The following RSL1D1 variants were observed in gnomAD, a reference collection of about 807,000 sequenced individuals.
RSL1D1 encodes ribosomal L1 domain-containing protein 1.
A neutral mutation model predicts 44.6 loss-of-function variants in RSL1D1; 34 were observed. That is an observed-to-expected ratio of 0.76 (90% CI 0.58 to 1.02). RSL1D1 has a LOEUF of 1.02. Ranked by LOEUF, RSL1D1 falls within the 50% of genes least tolerant of loss-of-function variation. The pLI, the probability that RSL1D1 is intolerant of heterozygous loss-of-function variation, is 0.00. For missense variants in RSL1D1, 767 were observed against 568.1 expected (o/e 1.35, Z -3.56); for synonymous variants, 271 against 207.4 (o/e 1.31, Z -2.63).
chr16:11,840,293 C>T (rs1030113835), intron 7 of RSL1D1, among the ~76,000 whole-genome samples: 11 of 152,072 alleles, frequency 7.2e-5, no homozygotes, highest in African/African-American at 1.7e-4. Flanking sequence ...CAGCTGGGCG[C>T]GGTGGCTCAC....
At chr16:11,847,853 T>A in intron 2 of RSL1D1, 47 bp from the exon 3 acceptor site, 1 of 1,572,354 alleles carries the variant, frequency 6.4e-7, no homozygotes, top group Non-Finnish European at 8.7e-7. Flanking sequence ...ATTACACACA[T>A]TATGCATGTT....
intron 8 of RSL1D1, among the ~76,000 whole-genome samples, chr16:11,839,155 C>G (rs536852760): frequency 3.3e-5 from 5 of 152,180 alleles, no homozygotes; most frequent in African/African-American, 1.2e-4. Context: ...CACCTGAGGC[C>G]AGGAGTTCAA....
intron 5 of RSL1D1, among the ~76,000 whole-genome samples, chr16:11,843,413 A>C (rs1299980455): frequency 1.3e-5 from 2 of 152,012 alleles, no homozygotes; most frequent in African/African-American, 4.8e-5. Context: ...CTGTGAGGTT[A>C]GGCGCATTGG....
intron 2 of RSL1D1, among the ~76,000 whole-genome samples, chr16:11,849,607 T>C (rs2141256046): frequency 6.6e-6 from 1 of 152,280 alleles, no homozygotes. Context: ...TTTTTAATAG[T>C]CTCTGTACAA....
At chr16:11,848,739 C>T (rs1394130423) in intron 2 of RSL1D1, among the ~76,000 whole-genome samples, 1 of 151,886 alleles carries the variant, frequency 6.6e-6, no homozygotes. Context: ...AGCAATCCAC[C>T]TGCCTCAGCC....
rs773432864 is a variant in RSL1D1 at position 11,836,932 on chromosome 16, C to T, written c.*855G>A. On this transcript the variant is annotated 3_prime_UTR_variant, in exon 9 of 9. Transcript: ENST00000571133. ...CATCACAGACCTCAAGTCAGACCCA[C>T]TGATTTGGAAAGCCAACAGTATACT... is the stretch of plus-strand genomic sequence containing the variant. 5.3e-5 allele frequency: 8 copies of T among 152,224 alleles called. No homozygotes were observed. Among genetic ancestry groups the T allele is most frequent in the Non-Finnish European group, 1.0e-4 (7 of 68,060 alleles). The allele number at this position is 152,224 out of a possible 1,614,324, so 9.4% of individuals were successfully genotyped here. A position where few individuals can be genotyped will look rare whatever the true frequency, so the allele number is the denominator to read the frequency against.
chr16:11,848,082 T>A (rs1014546541), intron 2 of RSL1D1, among the ~76,000 whole-genome samples: 2 of 152,082 alleles, frequency 1.3e-5, no homozygotes, highest in Non-Finnish European at 2.9e-5. Flanking sequence ...TGAAACCCTG[T>A]TTCTACTAAA....
chr16:11,850,373 T>C lies in RSL1D1; in HGVS notation c.151A>G (p.Lys51Glu), dbSNP rs1378202749. The change falls in exon 2 of 9, where the codon AAA becomes GAA. Residue 51 changes from lysine (K) to glutamate (E), a missense_variant. Transcript: ENST00000571133. ...DALLTHCKSR[K>E]NNYGLLLNEN... ...TTCAAAAGCAACCCATAATTGTTTTTCCTGGACTTGCAATGCGTCAAGAGA... is the reference window on the plus strand; with the variant it reads ...TTCAAAAGCAACCCATAATTGTTTTCCCTGGACTTGCAATGCGTCAAGAGA... 1.2e-6 allele frequency: 2 copies of C among 1,601,780 alleles called. No individual in the cohort carries two copies. The highest frequency in any genetic ancestry group is 1.8e-5 in the Admixed American group (1 of 55,850).
intron 2 of RSL1D1, among the ~76,000 whole-genome samples, chr16:11,848,622 G>C (rs1432598777): frequency 1.3e-5 from 2 of 152,086 alleles, no homozygotes; most frequent in South Asian, 2.1e-4. Context: ...GCATAGCTGA[G>C]ACTCCAGGCA....
intron 5 of RSL1D1, among the ~76,000 whole-genome samples, chr16:11,845,380 G>A (rs2053790544): frequency 6.6e-6 from 1 of 152,212 alleles, no homozygotes; most frequent in Admixed American, 6.5e-5. Context: ...TTGAGCCAAG[G>A]AGTTGGAGGT....
In RSL1D1 at chr16:11,837,312, G is replaced by T. The variant is rs758061678; in HGVS notation, c.*475C>A. The T allele has an allele frequency of 2.0e-5, 3 of 151,844 alleles. No homozygotes were observed. Among genetic ancestry groups the T allele is most frequent in the African/African-American group, 7.6e-5 (3 of 39,684 alleles). 9.4% of individuals were successfully genotyped at this position (151,844 alleles called of 1,614,324 possible). On this transcript the variant is annotated 3_prime_UTR_variant, in exon 9 of 9. Coordinates refer to ENST00000571133, the MANE Select transcript of RSL1D1 (RefSeq NM_015659.3). ...AGCAAATACACAGAAGGACAATTTA[G>T]AAACAGATTATACCCAGGAACATAT...
chr16:11,846,917 T>C (rs945020492), intron 3 of RSL1D1, 74 bp from the exon 4 acceptor site: 29 of 1,285,760 alleles, frequency 2.3e-5, no homozygotes, highest in Middle Eastern at 4.2e-4. Flanking sequence ...TAGGCAACAA[T>C]TTGGATTTGG....
chr16:11,841,617 T>C, intron 7 of RSL1D1, 78 bp downstream of exon 7: 1 of 1,360,016 alleles, frequency 7.4e-7, no homozygotes, highest in South Asian at 1.3e-5. Flanking sequence ...CGGGCAGCGA[T>C]GATGGTCTAC....
At chr16:11,845,449 G>A (rs960347863) in intron 5 of RSL1D1, among the ~76,000 whole-genome samples, 4 of 152,198 alleles carry the variant, frequency 2.6e-5, no homozygotes, top group Non-Finnish European at 5.9e-5. Context: ...CAAGCTCAAA[G>A]CCTAGAACTA....
rs35692399 is a variant in RSL1D1, at chr16:11,835,762, G to A, written c.*2025C>T. ...TTCCAAAGTGCTGGGATTATGTTGC[G>A]AAAAGCTGAGTGTTGGGAGAAGCTG... is the stretch of plus-strand genomic sequence containing the variant. On this transcript the variant is annotated 3_prime_UTR_variant, in exon 9 of 9. Transcript: ENST00000571133. 0.041 allele frequency: 6,233 copies of A among 152,486 alleles called. 376 individuals are homozygous for A. The highest frequency in any genetic ancestry group is 0.13 in the African/African-American group (5,534 of 41,522). 9.4% of individuals were successfully genotyped at this position (152,486 alleles called of 1,614,324 possible). A position where few individuals can be genotyped will look rare whatever the true frequency, so the allele number is the denominator to read the frequency against.
intron 1 of RSL1D1, chr16:11,850,953 G>C (rs2053832946): frequency 4.6e-6 from 1 of 217,362 alleles, no homozygotes; most frequent in East Asian, 1.6e-4. Flanking sequence ...GCCTCCAAAA[G>C]TGCTGGGATT....
chr16:11,844,041 A>C (rs534515050), intron 5 of RSL1D1, among the ~76,000 whole-genome samples: 12 of 152,098 alleles, frequency 7.9e-5, no homozygotes, highest in African/African-American at 2.4e-4. Context: ...AGCCAGAAGG[A>C]AGGCTCACTG....
Position 11,837,810 on chromosome 16 carries a change from G to A in RSL1D1, c.1450C>T (p.Pro484Ser). Residue 484 changes from proline (P) to serine (S), a missense_variant, in exon 9 of 9, where the codon CCC becomes TCC. Coordinates refer to ENST00000571133, the MANE Select transcript of RSL1D1 (RefSeq NM_015659.3). ...SHTPKKWPKK[P>S]KVPQST ...CTTTAGGTCGACTGGGGTACTTTGGGTTTTTTGGGCCATTTTTTGGGGGTG... is the reference window on the plus strand; with the variant it reads ...CTTTAGGTCGACTGGGGTACTTTGGATTTTTTGGGCCATTTTTTGGGGGTG... 6.8e-6 allele frequency: 11 copies of A among 1,610,072 alleles called. No homozygotes were observed. The highest frequency in any genetic ancestry group is 8.5e-6 in the Non-Finnish European group (10 of 1,178,312).
Position 11,842,072 on chromosome 16 carries a change from G to A in RSL1D1, c.636-72C>T, listed in dbSNP as rs554970428. ...CAAAATAAACCAGGCAGGTATATGAGAAATATAAATACATAATCCTCAAGT... is the reference window on the plus strand; with the variant it reads ...CAAAATAAACCAGGCAGGTATATGAAAAATATAAATACATAATCCTCAAGT... On this transcript the variant is annotated intron_variant, in intron 5 of 8. Transcript: ENST00000571133. 1,860 of 1,076,966 alleles carry A rather than the reference G, an allele frequency of 1.7e-3. 4 individuals carry two copies. The highest frequency in any genetic ancestry group is 2.0e-3 in the Non-Finnish European group (1,497 of 739,502). The allele number at this position is 1,076,966 out of a possible 1,614,324, so 66.7% of individuals were successfully genotyped here. A position where few individuals can be genotyped will look rare whatever the true frequency, so the allele number is the denominator to read the frequency against.
Sources: allele counts gnomAD v4.1 joint callset (sites outside exome capture counted in the v4.1 genomes callset), GRCh38; gene constraint gnomAD v4.1.1; transcripts MANE v1.5; gene names NCBI Gene and HGNC (gene_info 2026-07-23, HGNC 2026-07-21).